Variants in FILIP1 observed in about 807,000 individuals in gnomAD.
FILIP1 encodes the protein filamin A interacting protein 1, also known as filamin-A-interacting protein 1.
In FILIP1, 61 loss-of-function variants were observed where a neutral mutation model predicts 102.1. That is an observed-to-expected ratio of 0.60 (90% confidence interval 0.49 to 0.74). The LOEUF (loss-of-function observed/expected upper bound fraction) is 0.74, where lower values mean the gene tolerates loss of function less well. Among genes scored for constraint, FILIP1 ranks in the 30% least tolerant of loss-of-function variants. FILIP1 has a pLI of 0.00. For missense variants in FILIP1, 1,314 were observed against 1,441.2 expected (o/e 0.91, Z 1.43); for synonymous variants, 491 against 526.9 (o/e 0.93, Z 0.93).
rs183229183 is a variant in FILIP1, at chr6:75,426,565, T to C, written c.-6-11587A>G. On this transcript the variant is annotated intron_variant, in intron 1 of 5. Transcript: ENST00000237172. ...AGGTAGCTTGGAGAGGCAGCTGACA[T>C]GCTAACAGGAGAGTCACCAAGGCAG... 7.9e-5 allele frequency among the ~76,000 whole-genome samples: 12 copies of C among 152,210 alleles called. No individual in the cohort carries two copies. The East Asian group carries it at 2.3e-3, about 29-fold the overall frequency.
At chr6:75,356,056 G>A (rs1350386864) in intron 3 of FILIP1, among the ~76,000 whole-genome samples, 1 of 152,118 alleles carries the variant, frequency 6.6e-6, no homozygotes, top group Non-Finnish European at 1.5e-5. Context: ...TTCCCTGGAG[G>A]GAAAAATCCA....
chr6:75,435,817 C>T lies in FILIP1; in HGVS notation c.-6-20839G>A, dbSNP rs193245867. Among the ~76,000 whole-genome samples, 27 of 152,246 alleles carry T rather than the reference C, an allele frequency of 1.8e-4. No homozygotes were observed. In the East Asian group the frequency reaches 5.0e-3, roughly 28 times the overall value. ...AGAGAATCTCAGGAAGGTGCACAGC[C>T]TCCAAGGTTTAAACCACTCAAACTT... On this transcript the variant is annotated intron_variant, in intron 1 of 5. Transcript: ENST00000237172.
rs1220897088 is a variant in FILIP1, at chr6:75,375,181, G to A, written c.277-12264C>T. Among the ~76,000 whole-genome samples the A allele has an allele frequency of 2.0e-5, 3 of 152,314 alleles. No individual in the cohort carries two copies. In the East Asian group the frequency reaches 5.8e-4, roughly 29 times the overall value. On this transcript the variant is annotated intron_variant, in intron 2 of 5. Transcript: ENST00000237172. The stretch of plus-strand genomic sequence containing the variant: ...GCCCTTGCCTGAGTCCTGGGGTGAG[G>A]GATTGTCATGAAAGACCCAAGTAAG...
At chr6:75,354,229 C>T (rs1252915488) in intron 3 of FILIP1, among the ~76,000 whole-genome samples, 3 of 152,162 alleles carry the variant, frequency 2.0e-5, no homozygotes, top group Non-Finnish European at 4.4e-5. Context: ...CTCCTACAAC[C>T]AGTGTTTAGG....
At chr6:75,367,611 A>T (rs1441978120) in intron 2 of FILIP1, 1 of 152,182 alleles carries the variant, frequency 6.6e-6, no homozygotes, top group Non-Finnish European at 1.5e-5. Context: ...GCGCAACTGC[A>T]CTCCAGCCTC....
intron 2 of FILIP1, chr6:75,367,329 T>C (rs1378427876): frequency 6.6e-6 from 1 of 152,190 alleles, no homozygotes; most frequent in Non-Finnish European, 1.5e-5. Context: ...GGCTCTTTAA[T>C]TGTATAGTAA....
chr6:75,336,797 A>G (rs1021919367), intron 4 of FILIP1, among the ~76,000 whole-genome samples: 1 of 152,184 alleles, frequency 6.6e-6, no homozygotes, highest in Non-Finnish European at 1.5e-5. Context: ...AGTTAATTTA[A>G]AACTCCACTA....
At chr6:75,456,555 TTTTTC>T (rs1389366402) in intron 1 of FILIP1, among the ~76,000 whole-genome samples, 7 of 151,826 alleles carry the variant, frequency 4.6e-5, no homozygotes, top group Admixed American at 4.6e-4. Flanking sequence ...AGAGTATTCT[TTTTTC>T]TTTTCTTTTT....
Position 75,353,721 on chromosome 6 carries a change from A to T in FILIP1, c.451-4T>A. 1 of 1,612,216 alleles carries T rather than the reference A, an allele frequency of 6.2e-7. No homozygotes were observed. Among genetic ancestry groups the T allele is most frequent in the Non-Finnish European group, 8.5e-7 (1 of 1,179,850 alleles). On this transcript the variant is annotated splice_region_variant and splice_polypyrimidine_tract_variant and intron_variant, in intron 3 of 5. Transcript: ENST00000237172. ...GTTTTTCCTCAAGTCTGTCCAGCTG[A>T]ATAAGCAAACATGGGAAAGGGCTTA...
Position 75,313,170 on chromosome 6 carries a change from GC to G in FILIP1, c.2661del (p.Arg889GlufsTer12). 1 of 1,614,128 alleles carries G rather than the reference GC, an allele frequency of 6.2e-7. No homozygotes were observed. Among genetic ancestry groups the G allele is most frequent in the Admixed American group, 1.7e-5 (1 of 60,024 alleles). ...ENGPSITQEK[G>X]PRTNSSPGHP... is the part of the protein sequence containing the mutation. ...TGCCCTGGACTGGAATTTGTTCGGG[GC>G]CCTTTCTCCTGAGTGATGGAGGGGC... On this transcript the variant is annotated frameshift_variant, in exon 5 of 6. Coordinates refer to ENST00000237172, the MANE Select transcript of FILIP1 (RefSeq NM_015687.5). LOFTEE classifies it high-confidence loss of function. This position sits in a 1 kb window ranked among gnomAD's most constrained non-coding sequence, Gnocchi z 4.2.
At chr6:75,337,323 T>C (rs1774275279) in intron 4 of FILIP1, among the ~76,000 whole-genome samples, 1 of 152,204 alleles carries the variant, frequency 6.6e-6, no homozygotes, top group Non-Finnish European at 1.5e-5. Context: ...CCTTTAAGCA[T>C]CTGGTTGCCA....
intron 1 of FILIP1, among the ~76,000 whole-genome samples, chr6:75,470,285 T>C (rs1408543972): frequency 2.6e-5 from 4 of 152,054 alleles, no homozygotes; most frequent in East Asian, 1.9e-4. Flanking sequence ...TAAAATGTAA[T>C]TGGGAAGGAA....
At chr6:75,317,490 C>T (rs908502257) in intron 4 of FILIP1, among the ~76,000 whole-genome samples, 2 of 152,180 alleles carry the variant, frequency 1.3e-5, no homozygotes, top group African/African-American at 4.8e-5. Context: ...TCTGGAAAGA[C>T]TGTCAGTGCT....
At chr6:75,316,539 T>C (rs1161144763) in intron 4 of FILIP1, among the ~76,000 whole-genome samples, 1 of 152,116 alleles carries the variant, frequency 6.6e-6, no homozygotes, top group Non-Finnish European at 1.5e-5. Flanking sequence ...GTACAAGAAA[T>C]ATTTGAACAT....
chr6:75,316,448 T>C (rs913696953), intron 4 of FILIP1, among the ~76,000 whole-genome samples: 3 of 152,150 alleles, frequency 2.0e-5, no homozygotes, highest in Admixed American at 1.3e-4. Flanking sequence ...GCCAAGTAAA[T>C]AGAATTTAAT....
chr6:75,370,569 CTTTTTTTT>C (rs61384517), intron 2 of FILIP1, among the ~76,000 whole-genome samples: 1 of 75,702 alleles, frequency 1.3e-5, no homozygotes, highest in Non-Finnish European at 2.5e-5. Flanking sequence ...GGAGTCTCTT[CTTTTTTTT>C]TTTTTTTTTT....
At chr6:75,379,045 T>A (rs1433085564) in intron 2 of FILIP1, among the ~76,000 whole-genome samples, 1 of 152,194 alleles carries the variant, frequency 6.6e-6, no homozygotes, top group Non-Finnish European at 1.5e-5. Context: ...GCTTTAGAGA[T>A]CATCGAACTT....
chr6:75,427,016 C>T (rs1777648817), intron 1 of FILIP1, among the ~76,000 whole-genome samples: 1 of 152,100 alleles, frequency 6.6e-6, no homozygotes, highest in African/African-American at 2.4e-5. Context: ...ACCATGCTAG[C>T]AAACTTCCCT....
intron 4 of FILIP1, among the ~76,000 whole-genome samples, chr6:75,315,916 G>A (rs1773429142): frequency 6.6e-6 from 1 of 152,232 alleles, no homozygotes; most frequent in Admixed American, 6.5e-5. Context: ...CTGTCACCTG[G>A]AAGGGACAAA....
Sources: gnomAD v4.1 joint callset for allele counts (sites outside exome capture counted in the v4.1 genomes callset) on GRCh38, gnomAD v4.1.1 for gene constraint, Gnocchi (gnomAD v3.1) non-coding constraint, MANE v1.5 for transcripts, NCBI Gene and HGNC (gene_info 2026-07-23, HGNC 2026-07-21) for gene names.